CSMD1: variants seen among roughly 807,000 people sequenced by gnomAD.
CSMD1 encodes the protein CUB and Sushi multiple domains 1.
In CSMD1, 213 loss-of-function variants were observed where a neutral mutation model predicts 417.5. The observed-to-expected ratio is 0.51, with a 90% CI of 0.46 to 0.57. The LOEUF is 0.57. Ranked by LOEUF, CSMD1 falls within the 20% of genes least tolerant of loss-of-function variation. CSMD1 has a pLI of 0.00. For synonymous variants in CSMD1, 2,862 were observed against 1,736.8 expected (o/e 1.65, Z -16.11); for missense variants, 6,923 against 4,529.7 (o/e 1.53, Z -15.17).
chr8:4,992,368 G>T (rs547906319), intron 1 of CSMD1, among the ~76,000 whole-genome samples: 10 of 152,232 alleles, frequency 6.6e-5, no homozygotes, highest in African/African-American at 1.9e-4. Flanking sequence ...TGCTAATTGC[G>T]GGGGAAGGCA....
chr8:4,822,982 G>A (rs546266187), intron 1 of CSMD1, among the ~76,000 whole-genome samples: 16 of 152,114 alleles, frequency 1.1e-4, no homozygotes, highest in Admixed American at 7.9e-4. Context: ...CAACCATTTG[G>A]GAAATCCAGT....
intron 3 of CSMD1, among the ~76,000 whole-genome samples, chr8:4,051,115 G>C (rs576203287): frequency 6.6e-6 from 1 of 151,166 alleles, no homozygotes; most frequent in Non-Finnish European, 1.5e-5. Context: ...GGGAGAACCA[G>C]GAAAAAGAAA....
chr8:4,071,646 T>G lies in CSMD1; in HGVS notation c.416-39547A>C, dbSNP rs1987445. Among the ~76,000 whole-genome samples the G allele has an allele frequency of 7.7e-3, 1,167 of 152,264 alleles. 14 individuals carry two copies. Among genetic ancestry groups the G allele is most frequent in the African/African-American group, 0.027 (1,124 of 41,544 alleles). ...ATTCTTTATTTTAAACTAGCTGAAA[T>G]ATGTGGAGTGATTAGTTGTTGTTTC... is the stretch of plus-strand genomic sequence containing the variant. On this transcript the variant is annotated intron_variant, in intron 3 of 69. Transcript: ENST00000635120.
At position 4,734,383 on chromosome 8, in the gene CSMD1, T is replaced by C. The variant is rs555588827; in HGVS notation, c.86-96825A>G. Among the ~76,000 whole-genome samples the C allele has an allele frequency of 6.6e-5, 10 of 152,246 alleles. No individual in the cohort carries two copies. In the East Asian group the frequency reaches 1.9e-3, roughly 29 times the overall value. The stretch of plus-strand genomic sequence containing the variant: ...GAGCTTCCTCTGAGTGTTCTATGCA[T>C]GTTTGTGCAATTTTTCTTTTGTTTA... On this transcript the variant is annotated intron_variant, in intron 1 of 69. Coordinates refer to ENST00000635120, the MANE Select transcript of CSMD1 (RefSeq NM_033225.6).
chr8:4,658,310 T>A (rs1044290664), intron 1 of CSMD1, among the ~76,000 whole-genome samples: 1 of 152,038 alleles, frequency 6.6e-6, no homozygotes, highest in African/African-American at 2.4e-5. Flanking sequence ...TTTAATAAAA[T>A]TTTGAAAGAC....
intron 2 of CSMD1, among the ~76,000 whole-genome samples, chr8:4,592,534 C>T (rs917584994): frequency 8.6e-5 from 13 of 151,902 alleles, no homozygotes; most frequent in African/African-American, 2.2e-4. Flanking sequence ...CTACAGGGGC[C>T]GGCCACCACG....
chr8:3,008,127 G>C (rs1330574619), intron 52 of CSMD1, among the ~76,000 whole-genome samples: 1 of 152,188 alleles, frequency 6.6e-6, no homozygotes, highest in African/African-American at 2.4e-5. Flanking sequence ...GGAGTATTGA[G>C]TCCATTTTCA....
chr8:3,936,929 C>A (rs1383844008), intron 5 of CSMD1, among the ~76,000 whole-genome samples: 1 of 152,140 alleles, frequency 6.6e-6, no homozygotes, highest in African/African-American at 2.4e-5. Context: ...GTTTGTGATT[C>A]ATGGGAAGAG....
chr8:3,123,513 T>A (rs1817325242), intron 41 of CSMD1, among the ~76,000 whole-genome samples: 1 of 152,230 alleles, frequency 6.6e-6, no homozygotes, highest in African/African-American at 2.4e-5. Flanking sequence ...AAATCAGCAA[T>A]TCATTTCTCA....
chr8:3,338,588 C>T (rs956396022), intron 23 of CSMD1, among the ~76,000 whole-genome samples: 3 of 152,142 alleles, frequency 2.0e-5, no homozygotes. Context: ...ACTGTTGTTG[C>T]CAAGTGCCTG....
At chr8:3,765,496 C>G (rs1158646099) in intron 5 of CSMD1, among the ~76,000 whole-genome samples, 2 of 152,224 alleles carry the variant, frequency 1.3e-5, no homozygotes, top group Admixed American at 1.3e-4. Flanking sequence ...TCTGAGCCCA[C>G]TGAGGGCATT....
At chr8:4,181,876 T>C (rs1798396616) in intron 3 of CSMD1, among the ~76,000 whole-genome samples, 1 of 152,180 alleles carries the variant, frequency 6.6e-6, no homozygotes, top group African/African-American at 2.4e-5. Context: ...TAGTTGATTA[T>C]AACATGATTT....
intron 1 of CSMD1, among the ~76,000 whole-genome samples, chr8:4,800,267 T>C (rs1054064046): frequency 4.6e-5 from 7 of 151,660 alleles, no homozygotes; most frequent in African/African-American, 1.7e-4. Context: ...CAATCGCAAC[T>C]AAAAATACAA....
intron 3 of CSMD1, among the ~76,000 whole-genome samples, chr8:4,194,940 G>C (rs768499229): frequency 2.0e-5 from 3 of 151,716 alleles, no homozygotes; most frequent in Non-Finnish European, 4.4e-5. Flanking sequence ...GAGGTGATTA[G>C]TCCCCGGGTG....
intron 1 of CSMD1, among the ~76,000 whole-genome samples, chr8:4,978,478 C>G (rs933068567): frequency 7.2e-5 from 11 of 152,186 alleles, no homozygotes; most frequent in Non-Finnish European, 5.9e-5. Flanking sequence ...AACCCAGCAT[C>G]TTTGATTTCA....
In CSMD1 at chr8:3,509,488, T is replaced by G. The variant is rs1053442552; in HGVS notation, c.1345-15762A>C. On this transcript the variant is annotated intron_variant, in intron 10 of 69. Transcript: ENST00000635120. ...GCACAAGTCGTTGAACTATTTTTCATTTCAGCTTCCTCATCTTTAAAATGA... is the reference window on the plus strand; with the variant it reads ...GCACAAGTCGTTGAACTATTTTTCAGTTCAGCTTCCTCATCTTTAAAATGA... 2.0e-5 allele frequency among the ~76,000 whole-genome samples: 3 copies of G among 152,342 alleles called. No homozygotes were observed. In the Middle Eastern group the frequency reaches 0.01, roughly 518 times the overall value.
intron 1 of CSMD1, among the ~76,000 whole-genome samples, chr8:4,841,906 C>G (rs1322823450): frequency 2.2e-5 from 1 of 46,078 alleles, no homozygotes; most frequent in Non-Finnish European, 3.9e-5. Context: ...AGCAAAACTC[C>G]GTCTCAAAAA....
chr8:3,393,356 G>C (rs766148349), intron 17 of CSMD1, among the ~76,000 whole-genome samples: 1 of 152,208 alleles, frequency 6.6e-6, no homozygotes, highest in Non-Finnish European at 1.5e-5. Context: ...AAGGTGGAAA[G>C]AAGAGGGAAT....
chr8:4,216,825 G>C (rs545857424), intron 3 of CSMD1, among the ~76,000 whole-genome samples: 2 of 152,240 alleles, frequency 1.3e-5, no homozygotes, highest in African/African-American at 4.8e-5. Flanking sequence ...CAAGAAAGAG[G>C]TAAACATGAG....
Sources: allele counts gnomAD v4.1 joint callset (sites outside exome capture counted in the v4.1 genomes callset), GRCh38; gene constraint gnomAD v4.1.1; transcripts MANE v1.5; gene names NCBI Gene and HGNC (gene_info 2026-07-23, HGNC 2026-07-21).